The following CACNB2 variants were observed in gnomAD, a reference collection of about 807,000 sequenced individuals.
The protein encoded by CACNB2 is calcium voltage-gated channel auxiliary subunit beta 2.
Under a neutral mutation model 73.3 loss-of-function variants are expected in CACNB2, and 42 were observed. The ratio of observed to expected loss-of-function variants is 0.57; its 90% CI spans 0.45 to 0.74. CACNB2 has a LOEUF of 0.74. Among genes scored for constraint, CACNB2 ranks in the 30% least tolerant of loss-of-function variants. The probability of loss-of-function intolerance (pLI) is 0.00; values close to 1 mark genes in which losing one functional copy is unlikely to be tolerated. For missense variants in CACNB2, 940 were observed against 853.0 expected (o/e 1.10, Z -1.27); for synonymous variants, 348 against 310.3 (o/e 1.12, Z -1.28).
At chr10:18,347,841 G>A (rs1405220441) in intron 2 of CACNB2, among the ~76,000 whole-genome samples, 4 of 152,098 alleles carry the variant, frequency 2.6e-5, no homozygotes, top group Non-Finnish European at 5.9e-5. Flanking sequence ...TCGTGACTTC[G>A]CTTAATGAGA....
At chr10:18,536,234 A>C in intron 12 of CACNB2, 38 bp downstream of exon 12, 2 of 511,202 alleles carry the variant, frequency 3.9e-6, no homozygotes, top group Admixed American at 2.8e-5. Flanking sequence ...CCAGTTACAG[A>C]GATCAGACCT....
At chr10:18,500,988 T>A in intron 5 of CACNB2, 40 bp downstream of exon 5, 1 of 1,583,112 alleles carries the variant, frequency 6.3e-7, no homozygotes, top group Non-Finnish European at 8.7e-7. Context: ...AAACTTAGAT[T>A]ATACCACTAT....
chr10:18,434,388 G>A (rs1306926688), intron 3 of CACNB2, among the ~76,000 whole-genome samples: 2 of 152,246 alleles, frequency 1.3e-5, no homozygotes, highest in South Asian at 2.1e-4. Flanking sequence ...CCAGTTCTCA[G>A]TGTAGCCAGT....
chr10:18,383,649 G>A (rs1295946159), intron 2 of CACNB2, among the ~76,000 whole-genome samples: 1 of 152,178 alleles, frequency 6.6e-6, no homozygotes, highest in Non-Finnish European at 1.5e-5. Flanking sequence ...TGTAGATGGT[G>A]CACCAGAAGG....
chr10:18,438,002 ATTTTTTTTTTTTTTT>A (rs56671616), intron 3 of CACNB2, among the ~76,000 whole-genome samples: 16 of 41,750 alleles, frequency 3.8e-4, no homozygotes, highest in African/African-American at 1.4e-3. Flanking sequence ...GCCCAGTTGG[ATTTTTTTTTTTTTTT>A]TTTTTTTTTT....
chr10:18,457,159 T>C (rs111939849), intron 3 of CACNB2, among the ~76,000 whole-genome samples: 1,947 of 152,342 alleles, frequency 0.013, 16 homozygotes, highest in Non-Finnish European at 0.018. Context: ...TGTGCAGTCA[T>C]GGTTCACTGC....
chr10:18,194,248 T>C (rs2034530945), intron 2 of CACNB2, among the ~76,000 whole-genome samples: 1 of 152,174 alleles, frequency 6.6e-6, no homozygotes, highest in African/African-American at 2.4e-5. Context: ...CTAAGATGTC[T>C]TTGCAGTTGC....
intron 3 of CACNB2, among the ~76,000 whole-genome samples, chr10:18,442,692 G>A (rs1208444279): frequency 1.2e-4 from 18 of 150,824 alleles, no homozygotes. Context: ...GGGCGTGGTG[G>A]CACGTGCCTG....
intron 11 of CACNB2, among the ~76,000 whole-genome samples, chr10:18,534,744 G>C (rs902571372): frequency 6.6e-6 from 1 of 152,124 alleles, no homozygotes; most frequent in African/African-American, 2.4e-5. Context: ...CTAAAACAAA[G>C]TACACACAAA....
chr10:18,481,486 A>G (rs1459081851), intron 3 of CACNB2, among the ~76,000 whole-genome samples: 1 of 151,162 alleles, frequency 6.6e-6, no homozygotes, highest in Non-Finnish European at 1.5e-5. Flanking sequence ...ACCTCAAGTG[A>G]TATGCCCGCC....
At chr10:18,283,248 G>A (rs2038631946) in intron 2 of CACNB2, among the ~76,000 whole-genome samples, 1 of 152,204 alleles carries the variant, frequency 6.6e-6, no homozygotes, top group African/African-American at 2.4e-5. Flanking sequence ...CAACCATTGT[G>A]GAAGACAGTG....
chr10:18,491,819 TAAAAA>T (rs68179779), intron 3 of CACNB2, among the ~76,000 whole-genome samples: 789 of 65,486 alleles, frequency 0.012, 8 homozygotes, highest in African/African-American at 0.037. Context: ...TCAAGTTGGT[TAAAAA>T]AAAAAAAAAA....
intron 1 of CACNB2, among the ~76,000 whole-genome samples, chr10:18,149,848 T>C (rs1049557254): frequency 1.3e-5 from 2 of 152,212 alleles, no homozygotes; most frequent in Non-Finnish European, 2.9e-5. Flanking sequence ...CTTTGAGTCC[T>C]TACCATGTGT....
chr10:18,422,610 C>T (rs1187051832), intron 3 of CACNB2, among the ~76,000 whole-genome samples: 4 of 152,144 alleles, frequency 2.6e-5, no homozygotes, highest in Non-Finnish European at 4.4e-5. Flanking sequence ...CAGCCTTTTT[C>T]ACAGCATATT....
At chr10:18,397,671 T>G (rs898985998) in intron 2 of CACNB2, among the ~76,000 whole-genome samples, 3 of 133,504 alleles carry the variant, frequency 2.2e-5, no homozygotes, top group Non-Finnish European at 4.6e-5. Flanking sequence ...GCTGAGATCA[T>G]GCCATTGCAC....
chr10:18,518,684 C>A (rs2051520502), intron 8 of CACNB2, among the ~76,000 whole-genome samples: 1 of 152,200 alleles, frequency 6.6e-6, no homozygotes, highest in African/African-American at 2.4e-5. Flanking sequence ...TGGAGACCGA[C>A]TGAAACCACT....
chr10:18,311,418 T>C (rs1161838134), intron 2 of CACNB2, among the ~76,000 whole-genome samples: 1 of 151,968 alleles, frequency 6.6e-6, no homozygotes, highest in Middle Eastern at 3.2e-3. Context: ...GTTAGGGGCG[T>C]TGACCCATTG....
Position 18,540,023 on chromosome 10 carries a change from A to ATGTT in CACNB2, c.*300_*303dup, listed in dbSNP as rs1410652982. The ATGTT allele has an allele frequency of 3.4e-5, 11 of 326,242 alleles. No homozygotes were observed. The highest frequency in any genetic ancestry group is 1.3e-4 in the East Asian group (2 of 15,364). 20.2% of individuals were successfully genotyped at this position (326,242 alleles called of 1,614,324 possible). ...AACAAAATCTGTTGCCACCCAGGTG[A>ATGTT]TGTTAGTGTTTTAAGAAATGTAGTT... On this transcript the variant is annotated 3_prime_UTR_variant, in exon 14 of 14. Coordinates refer to ENST00000324631, the MANE Select transcript of CACNB2 (RefSeq NM_201596.3).
At chr10:18,421,783 A>G (rs897749860) in intron 3 of CACNB2, among the ~76,000 whole-genome samples, 5 of 152,204 alleles carry the variant, frequency 3.3e-5, no homozygotes, top group Non-Finnish European at 7.3e-5. Context: ...AAGGGTATAC[A>G]AAGTACAAGA....
Sources: gnomAD v4.1 joint callset for allele counts (sites outside exome capture counted in the v4.1 genomes callset) on GRCh38, gnomAD v4.1.1 for gene constraint, MANE v1.5 for transcripts, NCBI Gene and HGNC (gene_info 2026-07-23, HGNC 2026-07-21) for gene names.